The following MRPS18A variants were observed in gnomAD, a reference collection of about 807,000 sequenced individuals.
MRPS18A encodes large ribosomal subunit protein mL66.
MRPS18A carries 20 observed loss-of-function variants against 22.7 expected under a neutral mutation model. That is an observed-to-expected ratio of 0.88 (90% confidence interval 0.62 to 1.28). MRPS18A has a LOEUF of 1.28. Ranked by LOEUF, MRPS18A falls within the 50% of genes most tolerant of loss-of-function variation. The pLI, the probability that MRPS18A is intolerant of heterozygous loss-of-function variation, is 0.00. For missense variants in MRPS18A, 294 were observed against 262.6 expected (o/e 1.12, Z -0.83); for synonymous variants, 106 against 99.1 (o/e 1.07, Z -0.41).
intron 5 of MRPS18A, among the ~76,000 whole-genome samples, chr6:43,672,797 A>C (rs1773813826): frequency 6.6e-6 from 1 of 152,204 alleles, no homozygotes; most frequent in Admixed American, 6.5e-5. Flanking sequence ...TGATTTATGC[A>C]GTTCAACTGA....
intron 2 of MRPS18A, among the ~76,000 whole-genome samples, chr6:43,679,305 A>G (rs535146896): frequency 6.6e-6 from 1 of 152,316 alleles, no homozygotes; most frequent in South Asian, 2.1e-4. Flanking sequence ...CTCAGCCCCA[A>G]ATGCCAGGAA....
rs1237511518 is a variant in MRPS18A, at chr6:43,681,010, C to A, written c.144+79G>T. 9 of 1,439,030 alleles carry A rather than the reference C, an allele frequency of 6.3e-6. No individual in the cohort carries two copies. In the East Asian group the frequency reaches 2.1e-4, roughly 33 times the overall value. 89.1% of individuals were successfully genotyped at this position (1,439,030 alleles called of 1,614,324 possible). On this transcript the variant is annotated intron_variant, in intron 2 of 5. Transcript: ENST00000372133. ...CCTGGAGCTGGGCGTCCAGTTTGGGCCCCTCCCTCCCTCAGAGGAGCGGCC... is the reference window on the plus strand; with the variant it reads ...CCTGGAGCTGGGCGTCCAGTTTGGGACCCTCCCTCCCTCAGAGGAGCGGCC...
intron 3 of MRPS18A, among the ~76,000 whole-genome samples, chr6:43,677,030 C>T (rs1037944268): frequency 3.3e-5 from 5 of 152,252 alleles, no homozygotes; most frequent in Admixed American, 2.6e-4. Context: ...GGAAAAACAA[C>T]TTTAGCCTTT....
intron 1 of MRPS18A, among the ~76,000 whole-genome samples, 175 bp from the exon 2 acceptor site, chr6:43,681,295 T>C (rs1774398910): frequency 6.6e-6 from 1 of 152,256 alleles, no homozygotes; most frequent in Admixed American, 6.5e-5. Context: ...GCCAAGGCTC[T>C]ATGCCCTTGA....
In MRPS18A at chr6:43,671,815, G is replaced by C. The variant is rs757156771; in HGVS notation, c.538C>G (p.Leu180Val). 1.5e-5 allele frequency: 24 copies of C among 1,614,112 alleles called. No individual in the cohort carries two copies. The highest frequency in any genetic ancestry group is 1.9e-5 in the Non-Finnish European group (23 of 1,180,034). The change falls in exon 6 of 6, where the codon CTT becomes GTT. Residue 180 changes from leucine to valine, a missense_variant. Leu to Val is a conservative substitution (Grantham distance 32). Coordinates refer to ENST00000372133, the MANE Select transcript of MRPS18A (RefSeq NM_018135.4). ...GAGTAGCAGACATTGTCCCTCAGAA[G>C]GGGTGACCCCACGGGCATGCGCACC... ...NRVRMPVGSP[L>V]LRDNVCYSRT... is the part of the protein sequence containing the mutation.
rs564294158 is a variant in MRPS18A at position 43,685,458 on chromosome 6, G to A, written c.112+2210C>T. 4.6e-5 allele frequency among the ~76,000 whole-genome samples: 7 copies of A among 152,140 alleles called. No homozygotes were observed. The South Asian group carries it at 1.0e-3, about 23-fold the overall frequency. ...TGCATTATGTTTAGCAGCGTCCCTC[G>A]CCTCTACCCCCCAGATGCCAGTAGT... On this transcript the variant is annotated intron_variant, in intron 1 of 5. Coordinates refer to ENST00000372133, the MANE Select transcript of MRPS18A (RefSeq NM_018135.4).
At position 43,685,775 on chromosome 6, in the gene MRPS18A, CTATATG is replaced by C. The variant is rs547727750; in HGVS notation, c.112+1887_112+1892del. On this transcript the variant is annotated intron_variant, in intron 1 of 5. Transcript: ENST00000372133. ...ACCAGCTGAGACTAGTCAAAATTAGCTATATGTATAATACTTTATGCCTTACACATA... is the reference window on the plus strand; with the variant it reads ...ACCAGCTGAGACTAGTCAAAATTAGCTATAATACTTTATGCCTTACACATA... 9.2e-4 allele frequency among the ~76,000 whole-genome samples: 140 copies of C among 152,264 alleles called. No homozygotes were observed. The Middle Eastern group carries it at 0.017, about 19-fold the overall frequency.
At chr6:43,676,793 G>C (rs1774077418) in intron 3 of MRPS18A, among the ~76,000 whole-genome samples, 1 of 152,256 alleles carries the variant, frequency 6.6e-6, no homozygotes, top group Non-Finnish European at 1.5e-5. Context: ...CAGGCGCCTT[G>C]CTGCATAACT....
rs568602994 is a variant in MRPS18A, at chr6:43,677,993, C to T, written c.252+525G>A. Among the ~76,000 whole-genome samples the T allele has an allele frequency of 1.1e-4, 17 of 152,244 alleles. No individual in the cohort carries two copies. The South Asian group carries it at 1.9e-3, about 17-fold the overall frequency. On this transcript the variant is annotated intron_variant, in intron 3 of 5. Transcript: ENST00000372133. ...TGAGAACCAAGAGCCTGTTCAAATACACCCTCATCATAAAAGAGGAAAGCC... is the reference window on the plus strand; with the variant it reads ...TGAGAACCAAGAGCCTGTTCAAATATACCCTCATCATAAAAGAGGAAAGCC...
Position 43,671,686 on chromosome 6 carries a change from G to C in MRPS18A, c.*76C>G. The C allele has an allele frequency of 6.4e-7, 1 of 1,563,876 alleles. No individual in the cohort carries two copies. The highest frequency in any genetic ancestry group is 8.8e-7 in the Non-Finnish European group (1 of 1,137,560). On this transcript the variant is annotated 3_prime_UTR_variant, in exon 6 of 6. Transcript: ENST00000372133. ...GGTGGGGTGGGACAGGAGTATAGTT[G>C]TGGCCAAGGGCTTGTGAGTGGGCCT...
In MRPS18A at chr6:43,671,922, A is replaced by G. The variant is rs199719530; in HGVS notation, c.447-16T>C. 6.3e-7 allele frequency: 1 copy of G among 1,584,596 alleles called. No individual in the cohort carries two copies. The highest frequency in any genetic ancestry group is 1.1e-5 in the South Asian group (1 of 87,110). On this transcript the variant is annotated splice_polypyrimidine_tract_variant and intron_variant, in intron 5 of 5. Coordinates refer to ENST00000372133, the MANE Select transcript of MRPS18A (RefSeq NM_018135.4). ...CGTCAGGTACCTGTGGAGGGAGAACAAAGAGGTGCCTGTGAGGGCTGGGGG... is the reference window on the plus strand; with the variant it reads ...CGTCAGGTACCTGTGGAGGGAGAACGAAGAGGTGCCTGTGAGGGCTGGGGG...
chr6:43,680,241 T>G (rs1582411340), intron 2 of MRPS18A, among the ~76,000 whole-genome samples: 1 of 151,624 alleles, frequency 6.6e-6, no homozygotes, highest in African/African-American at 2.4e-5. Context: ...CTAAGGGGAT[T>G]GGGGGGGGTC....
intron 3 of MRPS18A, 122 bp from the exon 4 acceptor site, chr6:43,675,739 C>G: frequency 8.5e-7 from 1 of 1,180,442 alleles, no homozygotes; most frequent in Non-Finnish European, 1.2e-6. Flanking sequence ...GAGATCACTT[C>G]CTCCACACAG....
At position 43,679,041 on chromosome 6, in the gene MRPS18A, T is replaced by A. The variant is rs1199135186; in HGVS notation, c.145-416A>T. ...AAAAGTTTTAAGTGGCACAGGGATA[T>A]AGAGTCCAAAGAAAGCCTCCCTCCC... On this transcript the variant is annotated intron_variant, in intron 2 of 5. Transcript: ENST00000372133. 5.3e-5 allele frequency among the ~76,000 whole-genome samples: 8 copies of A among 152,170 alleles called. No individual in the cohort carries two copies. In the East Asian group the frequency reaches 1.5e-3, roughly 29 times the overall value.
rs888257261 is a variant in MRPS18A at position 43,687,414 on chromosome 6, T to C, written c.112+254A>G. Among the ~76,000 whole-genome samples, 4 of 152,202 alleles carry C rather than the reference T, an allele frequency of 2.6e-5. No individual in the cohort carries two copies. The East Asian group carries it at 7.7e-4, about 29-fold the overall frequency. ...ACTTTTCTGAGCCCTAGGACAGGTT[T>C]AGTGTCTGCTCCTGCTAAGTAAGCA... On this transcript the variant is annotated intron_variant, in intron 1 of 5. Transcript: ENST00000372133.
Position 43,671,854 on chromosome 6 carries a change from G to A in MRPS18A, c.499C>T (p.Pro167Ser), listed in dbSNP as rs369258010. ...GSVKPIYKKG[P>S]RWNRVRMPVG... ...GGCATGCGCACCCTGTTCCAGCGGG[G>A]GCCTTTTTTGTAGATGGGCTTGACG... Residue 167 changes from proline (P) to serine (S), a missense_variant, in exon 6 of 6, where the codon CCC becomes TCC. Physicochemically the swap from Pro to Ser is moderately conservative, Grantham distance 74. Transcript: ENST00000372133. 1.9e-6 allele frequency: 3 copies of A among 1,614,048 alleles called. No homozygotes were observed. The highest frequency in any genetic ancestry group is 1.1e-5 in the South Asian group (1 of 91,072).
At chr6:43,681,808 A>G (rs1774431723) in intron 1 of MRPS18A, among the ~76,000 whole-genome samples, 1 of 152,224 alleles carries the variant, frequency 6.6e-6, no homozygotes, top group South Asian at 2.1e-4. Flanking sequence ...AGAGAGGGAC[A>G]CCCTCAGTGC....
Position 43,673,037 on chromosome 6 carries a change from G to C in MRPS18A, c.447-1131C>G, listed in dbSNP as rs147463321. ...AAGTCTTGCTCTGTTGCCCAAGCTGGAGTGCAGTGGCGCGATCTCGGCTCA... is the reference window on the plus strand; with the variant it reads ...AAGTCTTGCTCTGTTGCCCAAGCTGCAGTGCAGTGGCGCGATCTCGGCTCA... On this transcript the variant is annotated intron_variant, in intron 5 of 5. Coordinates refer to ENST00000372133, the MANE Select transcript of MRPS18A (RefSeq NM_018135.4). The surrounding 1 kb of genome is among the most constrained non-coding windows in gnomAD (Gnocchi z 4.2). Among the ~76,000 whole-genome samples, 82 of 149,936 alleles carry C rather than the reference G, an allele frequency of 5.5e-4. 2 individuals are homozygous for C. In the East Asian group the frequency reaches 0.015, roughly 28 times the overall value.
Position 43,678,548 on chromosome 6 carries a change from A to G in MRPS18A, c.222T>C (p.Arg74=). Residue 74 remains arginine (R), a synonymous_variant, in exon 3 of 6, where the codon CGT becomes CGC. Coordinates refer to ENST00000372133, the MANE Select transcript of MRPS18A (RefSeq NM_018135.4). ...AGTTATACTTGTGCTTCAGGTTCCA[A>G]CGGCAGATGGGGCACTGGCCAGAGG... is the stretch of plus-strand genomic sequence containing the variant. ...PNPSGQCPIC[R]WNLKHKYNYD... The G allele has an allele frequency of 1.9e-6, 3 of 1,613,904 alleles. No homozygotes were observed. Among genetic ancestry groups the G allele is most frequent in the Non-Finnish European group, 2.5e-6 (3 of 1,179,804 alleles).
Sources: allele counts gnomAD v4.1 joint callset (sites outside exome capture counted in the v4.1 genomes callset), GRCh38; gene constraint gnomAD v4.1.1; non-coding constraint Gnocchi (gnomAD v3.1); transcripts MANE v1.5; gene names NCBI Gene and HGNC (gene_info 2026-07-23, HGNC 2026-07-21).